CPA6: variants seen among roughly 807,000 people sequenced by gnomAD.
CPA6 encodes the protein carboxypeptidase B.
CPA6 carries 58 observed loss-of-function variants against 63.3 expected under a neutral mutation model. The observed-to-expected ratio is 0.92, with a 90% CI of 0.74 to 1.14. The LOEUF (loss-of-function observed/expected upper bound fraction) is 1.14. Ranked by LOEUF, CPA6 falls within the 50% of genes most tolerant of loss-of-function variation. The pLI, the probability that CPA6 is intolerant of heterozygous loss-of-function variation, is 0.00. For synonymous variants in CPA6, 185 were observed against 179.0 expected, an observed-to-expected ratio of 1.03 and a Z score of -0.27; for missense variants, 565 against 526.6, an observed-to-expected ratio of 1.07 and a Z score of -0.71.
intron 1 of CPA6, among the ~76,000 whole-genome samples, chr8:67,669,102 A>T (rs1230833410): frequency 1.3e-5 from 2 of 152,242 alleles, no homozygotes; most frequent in Non-Finnish European, 2.9e-5. Context: ...ATCCAGTACC[A>T]TTATCAATTA....
At chr8:67,577,072 C>T (rs1423983128) in intron 2 of CPA6, among the ~76,000 whole-genome samples, 1 of 152,070 alleles carries the variant, frequency 6.6e-6, no homozygotes, top group Admixed American at 6.6e-5. Context: ...CCAGGCTGAC[C>T]TCGAACTCCT....
chr8:67,658,693 A>G (rs746209400), intron 1 of CPA6, among the ~76,000 whole-genome samples: 2 of 152,240 alleles, frequency 1.3e-5, no homozygotes, highest in East Asian at 1.9e-4. Flanking sequence ...AGAATGGCCA[A>G]CAATGAAGTT....
rs200967422 is a variant in CPA6, at chr8:67,475,814, T to C, written c.838+7954A>G. On this transcript the variant is annotated intron_variant, in intron 8 of 10. Transcript: ENST00000297770. The stretch of plus-strand genomic sequence containing the variant: ...CTTTCTTTCTTTCTTTCTTTCTTTC[T>C]TTCCTTTCTTTTCTTTCTTTCTTTC... 5.6e-3 allele frequency among the ~76,000 whole-genome samples: 333 copies of C among 59,904 alleles called. 2 individuals are homozygous for C. The highest frequency in any genetic ancestry group is 0.018 in the African/African-American group (175 of 9,734). The allele number at this position is 59,904 out of a possible 152,430, so 39.3% of individuals were successfully genotyped here.
intron 1 of CPA6, among the ~76,000 whole-genome samples, chr8:67,692,807 T>C (rs991131131): frequency 5.9e-5 from 9 of 152,196 alleles, no homozygotes; most frequent in East Asian, 3.8e-4. Context: ...TCGCTTCAAA[T>C]TGGGGCACAG....
At chr8:67,557,053 C>T (rs539202333) in intron 2 of CPA6, among the ~76,000 whole-genome samples, 3 of 152,302 alleles carry the variant, frequency 2.0e-5, no homozygotes, top group South Asian at 4.1e-4. Context: ...TGGTTCTGAA[C>T]ACCCCCTCTA....
At chr8:67,663,314 A>G (rs752472426) in intron 1 of CPA6, among the ~76,000 whole-genome samples, 3 of 152,204 alleles carry the variant, frequency 2.0e-5, no homozygotes, top group Admixed American at 1.3e-4. Flanking sequence ...AGTTATCAGA[A>G]TCACCCAACT....
At chr8:67,429,387 C>T (rs1051571619) in intron 9 of CPA6, among the ~76,000 whole-genome samples, 1 of 152,136 alleles carries the variant, frequency 6.6e-6, no homozygotes, top group East Asian at 1.9e-4. Context: ...TACAACTCTC[C>T]GATTTCAGCT....
chr8:67,589,741 A>G (rs1012828873), intron 2 of CPA6, among the ~76,000 whole-genome samples: 1 of 152,134 alleles, frequency 6.6e-6, no homozygotes, highest in African/African-American at 2.4e-5. Flanking sequence ...CTAGGTCAAG[A>G]AGCAAAACAT....
chr8:67,491,223 G>GTTT (rs11379483), intron 6 of CPA6, among the ~76,000 whole-genome samples: 32 of 125,424 alleles, frequency 2.6e-4, no homozygotes, highest in Non-Finnish European at 2.5e-4. Flanking sequence ...TTACAGGGAA[G>GTTT]TTTTTTTTTT....
intron 1 of CPA6, among the ~76,000 whole-genome samples, chr8:67,705,140 G>T (rs1019651686): frequency 6.6e-6 from 1 of 152,176 alleles, no homozygotes; most frequent in African/African-American, 2.4e-5. Flanking sequence ...CCATTGGAAG[G>T]CAATGTGCCT....
intron 2 of CPA6, among the ~76,000 whole-genome samples, chr8:67,543,794 A>ATTATTT (rs1480404746): frequency 6.6e-6 from 1 of 150,816 alleles, no homozygotes; most frequent in South Asian, 2.1e-4. Flanking sequence ...TATTATTATT[A>ATTATTT]TTTTTAAGAG....
At chr8:67,639,483 G>A (rs1268672705) in intron 1 of CPA6, among the ~76,000 whole-genome samples, 1 of 151,656 alleles carries the variant, frequency 6.6e-6, no homozygotes, top group African/African-American at 2.4e-5. Context: ...GCAGATGCTG[G>A]TATGGGCACC....
chr8:67,534,876 C>A (rs7836788), intron 2 of CPA6, among the ~76,000 whole-genome samples: 44,762 of 149,954 alleles, frequency 0.3, 6,887 homozygotes, highest in South Asian at 0.41. Context: ...TTGCCCCCCA[C>A]CCCCCGACAG....
chr8:67,564,653 TG>T (rs1225925924), intron 2 of CPA6, among the ~76,000 whole-genome samples: 1 of 152,152 alleles, frequency 6.6e-6, no homozygotes, highest in East Asian at 1.9e-4. Flanking sequence ...AAGAGAAAAA[TG>T]TCTATGTTTC....
At chr8:67,726,014 TTAAGA>T (rs2129002399) in intron 1 of CPA6, among the ~76,000 whole-genome samples, 1 of 152,238 alleles carries the variant, frequency 6.6e-6, no homozygotes, top group Non-Finnish European at 1.5e-5. Context: ...AGCTGCAAAT[TTAAGA>T]TTTTTCAACA....
intron 1 of CPA6, among the ~76,000 whole-genome samples, chr8:67,629,141 A>G (rs1006684406): frequency 6.7e-6 from 1 of 150,112 alleles, no homozygotes; most frequent in African/African-American, 2.5e-5. Context: ...AAACCCCCAA[A>G]AAAACAAACA....
At chr8:67,578,392 T>C (rs971128537) in intron 2 of CPA6, among the ~76,000 whole-genome samples, 1 of 152,232 alleles carries the variant, frequency 6.6e-6, no homozygotes, top group African/African-American at 2.4e-5. Context: ...CACAATCACC[T>C]TCCCAACCCA....
chr8:67,627,828 C>G (rs1042703495), intron 1 of CPA6, among the ~76,000 whole-genome samples: 1 of 152,118 alleles, frequency 6.6e-6, no homozygotes, highest in Non-Finnish European at 1.5e-5. Flanking sequence ...ACTAATAATC[C>G]TGCTGTACAG....
intron 1 of CPA6, among the ~76,000 whole-genome samples, chr8:67,654,579 C>A (rs909273951): frequency 6.6e-6 from 1 of 152,056 alleles, no homozygotes; most frequent in East Asian, 1.9e-4. Context: ...TCTGTGGGAT[C>A]GGTGGTGATA....
Sources: allele counts gnomAD v4.1 joint callset (sites outside exome capture counted in the v4.1 genomes callset), GRCh38; gene constraint gnomAD v4.1.1; transcripts MANE v1.5; gene names NCBI Gene and HGNC (gene_info 2026-07-23, HGNC 2026-07-21).